The following CTNNA1 variants were observed in gnomAD, a reference collection of about 807,000 sequenced individuals.
The protein encoded by CTNNA1 is catenin alpha-1.
In CTNNA1, 37 loss-of-function variants were observed where a neutral mutation model predicts 98.4. The observed-to-expected ratio is 0.38, with a 90% CI of 0.29 to 0.49. The LOEUF (loss-of-function observed/expected upper bound fraction) is 0.49, where lower values mean the gene tolerates loss of function less well. CTNNA1 is among the 20% of genes least tolerant of loss of function. CTNNA1 has a pLI of 0.95. For missense variants in CTNNA1, 761 were observed against 1,147.2 expected, an observed-to-expected ratio of 0.66 and a Z score of 4.86; for synonymous variants, 404 against 413.2, an observed-to-expected ratio of 0.98 and a Z score of 0.27.
chr5:138,833,434 AAAAG>A (rs1761473288), intron 7 of CTNNA1, among the ~76,000 whole-genome samples: 1 of 152,260 alleles, frequency 6.6e-6, no homozygotes. Flanking sequence ...TAGTATAGAA[AAAAG>A]AATGTGAATT....
intron 9 of CTNNA1, 87 bp from the exon 10 acceptor site, chr5:138,904,262 G>T (rs887375190): frequency 3.4e-6 from 5 of 1,463,562 alleles, no homozygotes; most frequent in Admixed American, 2.4e-5. Flanking sequence ...ATCTGTTCCA[G>T]AATGGTCAGA....
intron 3 of CTNNA1, among the ~76,000 whole-genome samples, chr5:138,802,785 A>G (rs1757712990): frequency 6.6e-6 from 1 of 152,020 alleles, no homozygotes; most frequent in Non-Finnish European, 1.5e-5. Flanking sequence ...TCTCTATTAT[A>G]CTGGTTACCC....
At chr5:138,933,729 A>G in intron 17 of CTNNA1, 73 bp from the exon 18 acceptor site, 1 of 1,521,480 alleles carries the variant, frequency 6.6e-7, no homozygotes, top group Non-Finnish European at 8.9e-7. Flanking sequence ...GCTCCCCTTC[A>G]AGCACAGCCC....
chr5:138,795,326 C>T (rs994650574), intron 3 of CTNNA1, among the ~76,000 whole-genome samples: 5 of 151,868 alleles, frequency 3.3e-5, no homozygotes, highest in South Asian at 2.1e-4. Flanking sequence ...GGCGTGTTGG[C>T]GCACATCTGT....
chr5:138,869,462 G>A (rs774670275), intron 7 of CTNNA1: 16 of 150,928 alleles, frequency 1.1e-4, no homozygotes, highest in African/African-American at 3.7e-4. Flanking sequence ...TAGGTCTGTC[G>A]CTGTATTCCT....
chr5:138,917,975 C>T (rs1294068141), intron 11 of CTNNA1, 77 bp downstream of exon 11: 2 of 1,392,326 alleles, frequency 1.4e-6, no homozygotes, highest in Non-Finnish European at 2.0e-6. Flanking sequence ...AATGGGCAAA[C>T]ACTGCTATGT....
chr5:138,813,588 C>G (rs1006636608), intron 5 of CTNNA1, among the ~76,000 whole-genome samples: 29 of 152,222 alleles, frequency 1.9e-4, no homozygotes, highest in African/African-American at 7.0e-4. Flanking sequence ...CTGCTATAGA[C>G]TTTTTTCATT....
intron 7 of CTNNA1, among the ~76,000 whole-genome samples, chr5:138,882,898 G>A (rs1461867824): frequency 6.6e-6 from 1 of 152,150 alleles, no homozygotes; most frequent in African/African-American, 2.4e-5. Flanking sequence ...GCACAATCTC[G>A]GTTCACTGCA....
In CTNNA1 at chr5:138,824,783, C is replaced by T. The variant is rs1581168265; in HGVS notation, c.842C>T (p.Ala281Val). 2.5e-6 allele frequency: 4 copies of T among 1,613,524 alleles called. No homozygotes were observed. The highest frequency in any genetic ancestry group is 3.4e-6 in the Non-Finnish European group (4 of 1,179,438). ...QGGGGGELAY[A>V]LNNFDKQIIV... ...GGAGGAGGAGGAGAACTGGCATATG[C>T]ACTCAATAACTTTGACGTAAGTTAT... The change falls in exon 6 of 18, where the codon GCA (alanine) becomes GTA (valine). Residue 281 changes from alanine (A) to valine (V), a missense_variant. Coordinates refer to ENST00000302763, the MANE Select transcript of CTNNA1 (RefSeq NM_001903.5).
intron 10 of CTNNA1, among the ~76,000 whole-genome samples, chr5:138,911,381 A>G: frequency 6.6e-6 from 1 of 152,174 alleles, no homozygotes; most frequent in Admixed American, 6.5e-5. Context: ...ATCACCTCAC[A>G]TGGCAAAGGG....
chr5:138,787,445 CTA>C (rs1252729285), intron 3 of CTNNA1, among the ~76,000 whole-genome samples: 1 of 151,906 alleles, frequency 6.6e-6, no homozygotes, highest in South Asian at 2.1e-4. Context: ...TCTGTTGAAA[CTA>C]TTAATATTCA....
chr5:138,874,386 T>TGGC lies in CTNNA1; in HGVS notation c.1063-11824_1063-11822dup. On this transcript the variant is annotated intron_variant, in intron 7 of 17. Transcript: ENST00000302763. The surrounding 1 kb of genome is among the most constrained non-coding windows in gnomAD (Gnocchi z 4.1). ...GACAGGCCCAGAGAGCCCTTGTCTG[T>TGGC]GGCGTTTGGCACTGAGTGGAAGCCC... 1.2e-6 allele frequency: 2 copies of TGGC among 1,614,014 alleles called. No homozygotes were observed. Among genetic ancestry groups the TGGC allele is most frequent in the Non-Finnish European group, 1.7e-6 (2 of 1,179,888 alleles).
intron 10 of CTNNA1, among the ~76,000 whole-genome samples, chr5:138,913,429 C>A (rs1761081102): frequency 6.6e-6 from 1 of 151,942 alleles, no homozygotes; most frequent in South Asian, 2.1e-4. Flanking sequence ...ACTAAAAATA[C>A]AAAAATTAGC....
intron 3 of CTNNA1, among the ~76,000 whole-genome samples, chr5:138,809,049 A>G (rs1283349172): frequency 5.3e-5 from 8 of 152,178 alleles, no homozygotes; most frequent in East Asian, 1.9e-4. Flanking sequence ...CAGTGGTGCA[A>G]TCATGGCTCA....
intron 7 of CTNNA1, among the ~76,000 whole-genome samples, chr5:138,840,279 A>G (rs1190073279): frequency 6.6e-6 from 1 of 152,138 alleles, no homozygotes; most frequent in East Asian, 1.9e-4. Flanking sequence ...TGTCTGCTCC[A>G]TTGCTTGCTC....
chr5:138,880,454 A>T (rs1224256887), intron 7 of CTNNA1, among the ~76,000 whole-genome samples: 2 of 152,138 alleles, frequency 1.3e-5, no homozygotes, highest in African/African-American at 4.8e-5. Context: ...TGAAGTATTG[A>T]TTAAAGCACA....
intron 5 of CTNNA1, among the ~76,000 whole-genome samples, chr5:138,823,729 G>A (rs1236242713): frequency 6.6e-6 from 1 of 151,826 alleles, no homozygotes; most frequent in Non-Finnish European, 1.5e-5. Context: ...AGGCCGAGGC[G>A]GGCGGATCAC....
At chr5:138,910,226 C>CTTTTTTTTTTTT (rs70982740) in intron 10 of CTNNA1, among the ~76,000 whole-genome samples, 1 of 53,266 alleles carries the variant, frequency 1.9e-5, no homozygotes, top group Non-Finnish European at 3.3e-5. Flanking sequence ...TCCTACTTTT[C>CTTTTTTTTTTTT]TTTTTTTTTT....
intron 1 of CTNNA1, among the ~76,000 whole-genome samples, chr5:138,761,257 C>A (rs1327970402): frequency 1.3e-5 from 2 of 152,046 alleles, no homozygotes; most frequent in African/African-American, 4.8e-5. Flanking sequence ...TTTTTTGAGA[C>A]AGAGTCTCAC....
Sources: gnomAD v4.1 joint callset for allele counts (sites outside exome capture counted in the v4.1 genomes callset) on GRCh38, gnomAD v4.1.1 for gene constraint, Gnocchi (gnomAD v3.1) non-coding constraint, MANE v1.5 for transcripts, NCBI Gene and HGNC (gene_info 2026-07-23, HGNC 2026-07-21) for gene names.